Variants in CSMD1 observed in about 807,000 individuals in gnomAD.
CSMD1 encodes the protein CUB and Sushi multiple domains 1.
CSMD1 carries 213 observed loss-of-function variants against 417.5 expected under a neutral mutation model. That is an observed-to-expected ratio of 0.51 (90% CI 0.46 to 0.57). The LOEUF (loss-of-function observed/expected upper bound fraction) is 0.57, where lower values mean the gene tolerates loss of function less well. Among genes scored for constraint, CSMD1 ranks in the 20% least tolerant of loss-of-function variants. CSMD1 has a pLI of 0.00. For missense variants in CSMD1, 6,923 were observed against 4,529.7 expected, an observed-to-expected ratio of 1.53 and a Z score of -15.17; for synonymous variants, 2,862 against 1,736.8, an observed-to-expected ratio of 1.65 and a Z score of -16.11.
intron 3 of CSMD1, among the ~76,000 whole-genome samples, chr8:4,363,736 C>T (rs183129982): frequency 5.9e-5 from 9 of 152,276 alleles, no homozygotes; most frequent in South Asian, 2.1e-4. Context: ...CATGTTGTTG[C>T]AAAAGACAGG....
intron 18 of CSMD1, among the ~76,000 whole-genome samples, chr8:3,386,688 A>G (rs1455154295): frequency 6.6e-6 from 1 of 152,192 alleles, no homozygotes; most frequent in East Asian, 1.9e-4. Flanking sequence ...TTTTCCATAG[A>G]AACAATGTGT....
At chr8:3,706,821 G>C (rs73658215) in intron 7 of CSMD1, among the ~76,000 whole-genome samples, 2,826 of 152,150 alleles carry the variant, frequency 0.019, 80 homozygotes, top group African/African-American at 0.065. Flanking sequence ...TATACTAAAA[G>C]CTAACAATAT....
intron 1 of CSMD1, among the ~76,000 whole-genome samples, chr8:4,737,625 C>G (rs1261690171): frequency 6.6e-6 from 1 of 152,144 alleles, no homozygotes; most frequent in Non-Finnish European, 1.5e-5. Flanking sequence ...ATATTTTACA[C>G]ATTTTTTACC....
chr8:3,215,761 C>T (rs1416152439), intron 29 of CSMD1, among the ~76,000 whole-genome samples: 1 of 151,992 alleles, frequency 6.6e-6, no homozygotes, highest in African/African-American at 2.4e-5. Flanking sequence ...CAGTCTACCA[C>T]CCTGCTAGAA....
intron 26 of CSMD1, among the ~76,000 whole-genome samples, chr8:3,268,390 AC>A (rs893737367): frequency 1.1e-4 from 16 of 148,090 alleles, no homozygotes; most frequent in Non-Finnish European, 1.9e-4. Context: ...CGAGGTTCAC[AC>A]CATTCTCCTG....
At chr8:4,991,712 G>C (rs1584959984) in intron 1 of CSMD1, among the ~76,000 whole-genome samples, 1 of 152,144 alleles carries the variant, frequency 6.6e-6, no homozygotes, top group Non-Finnish European at 1.5e-5. Context: ...GCCCGACCTT[G>C]GTCACCCGGG....
chr8:2,961,096 T>G, intron 62 of CSMD1, 45 bp downstream of exon 62: 3 of 1,282,718 alleles, frequency 2.3e-6, no homozygotes, highest in Non-Finnish European at 3.3e-6. Context: ...ACAAATATAT[T>G]TTATATTTCC....
chr8:3,173,745 T>C (rs1459580843), intron 37 of CSMD1, among the ~76,000 whole-genome samples: 1 of 152,186 alleles, frequency 6.6e-6, no homozygotes, highest in Non-Finnish European at 1.5e-5. Context: ...TTTATCATGT[T>C]TCCTGTGATG....
intron 3 of CSMD1, among the ~76,000 whole-genome samples, chr8:4,150,788 A>G (rs1796528352): frequency 6.6e-6 from 1 of 152,206 alleles, no homozygotes; most frequent in Non-Finnish European, 1.5e-5. Context: ...TTAAATGTGT[A>G]GTTTGCGCAC....
chr8:4,466,907 A>C (rs11775703), intron 2 of CSMD1, among the ~76,000 whole-genome samples: 6,343 of 152,096 alleles, frequency 0.042, 200 homozygotes, highest in Middle Eastern at 0.072. Flanking sequence ...GAAATTTTAC[A>C]GTGTGTTTTT....
chr8:3,026,979 A>G (rs1021282246), intron 51 of CSMD1, among the ~76,000 whole-genome samples: 6 of 152,154 alleles, frequency 3.9e-5, no homozygotes, highest in Non-Finnish European at 2.9e-5. Flanking sequence ...GAAAGCGGCC[A>G]TTAAGGCTTG....
At chr8:3,968,190 T>C (rs201295693) in intron 5 of CSMD1, among the ~76,000 whole-genome samples, 3 of 18,694 alleles carry the variant, frequency 1.6e-4, no homozygotes, top group Non-Finnish European at 2.9e-4. Context: ...CCGTCTCAAA[T>C]AATAATAATA....
chr8:3,897,531 C>A (rs1039755512), intron 5 of CSMD1, among the ~76,000 whole-genome samples: 2 of 151,464 alleles, frequency 1.3e-5, no homozygotes, highest in African/African-American at 4.9e-5. Context: ...AGCCTGTGTA[C>A]ACTATAAGTT....
At chr8:4,468,025 C>A (rs1800294019) in intron 2 of CSMD1, among the ~76,000 whole-genome samples, 1 of 151,644 alleles carries the variant, frequency 6.6e-6, no homozygotes, top group South Asian at 2.1e-4. Flanking sequence ...CCCCATCTCT[C>A]ACATGGGTTA....
intron 33 of CSMD1, 23 bp from the exon 34 acceptor site, chr8:3,190,138 A>G (rs1455254546): frequency 6.4e-7 from 1 of 1,550,490 alleles, no homozygotes; most frequent in Non-Finnish European, 8.8e-7. Context: ...TACAGAACAC[A>G]GCCGTCTGTA....
rs141676051 is a variant in CSMD1 at position 4,815,296 on chromosome 8, C to T, written c.86-177738G>A. Among the ~76,000 whole-genome samples, 448 of 152,216 alleles carry T rather than the reference C, an allele frequency of 2.9e-3. 4 individuals are homozygous for T. The highest frequency in any genetic ancestry group is 0.02 in the Middle Eastern group (6 of 294). ...CAAACCAATCTGCATTTGTGTCCTT[C>T]CCTGCTCAGCCTTCTGAGTTAGGCA... is the stretch of plus-strand genomic sequence containing the variant. On this transcript the variant is annotated intron_variant, in intron 1 of 69. Transcript: ENST00000635120.
intron 7 of CSMD1, among the ~76,000 whole-genome samples, chr8:3,695,167 A>G (rs942692943): frequency 7.9e-5 from 12 of 151,488 alleles, no homozygotes; most frequent in African/African-American, 2.9e-4. Flanking sequence ...AGGGGGACAT[A>G]TTTCCAAGGA....
chr8:4,434,263 G>T (rs576225691), intron 2 of CSMD1, among the ~76,000 whole-genome samples: 1 of 152,194 alleles, frequency 6.6e-6, no homozygotes, highest in South Asian at 2.1e-4. Flanking sequence ...CTACTCAGGA[G>T]GCTGAGGCAA....
intron 3 of CSMD1, among the ~76,000 whole-genome samples, chr8:4,373,818 A>T (rs1464620583): frequency 6.6e-6 from 1 of 152,184 alleles, no homozygotes; most frequent in African/African-American, 2.4e-5. Context: ...AAAGCCTGGA[A>T]GACAGTACTA....
Sources: allele counts gnomAD v4.1 joint callset (sites outside exome capture counted in the v4.1 genomes callset), GRCh38; gene constraint gnomAD v4.1.1; transcripts MANE v1.5; gene names NCBI Gene and HGNC (gene_info 2026-07-23, HGNC 2026-07-21).